Variants in CDYL observed in about 807,000 individuals in gnomAD.
The protein encoded by CDYL is chromodomain Y-like protein.
CDYL carries 8 observed loss-of-function variants against 47.3 expected under a neutral mutation model. The observed-to-expected ratio is 0.17, with a 90% CI of 0.10 to 0.31. The LOEUF is 0.31. Among genes scored for constraint, CDYL ranks in the 10% least tolerant of loss-of-function variants. The pLI, the probability that CDYL is intolerant of heterozygous loss-of-function variation, is 1.00. For synonymous variants in CDYL, 266 were observed against 265.0 expected (o/e 1.00, Z -0.04); for missense variants, 471 against 701.4 (o/e 0.67, Z 3.71).
At chr6:4,893,628 G>A (rs112155348) in intron 2 of CDYL, among the ~76,000 whole-genome samples, 5,276 of 151,996 alleles carry the variant, frequency 0.035, 313 homozygotes, top group African/African-American at 0.12. Context: ...AGGAAGCAGA[G>A]GTTGCAGTGA....
At position 4,807,203 on chromosome 6, in the gene CDYL, C is replaced by G. The variant is rs184722095; in HGVS notation, c.24+30396C>G. Among the ~76,000 whole-genome samples the G allele has an allele frequency of 8.5e-5, 13 of 152,252 alleles. 1 individual carries two copies. The East Asian group carries it at 1.4e-3, about 16-fold the overall frequency. ...TCTGAGGTTATAATGGTTAGGGCTT[C>G]AATATAGGAGTTTTAGGGGACTGCA... is the stretch of plus-strand genomic sequence containing the variant. On this transcript the variant is annotated intron_variant, in intron 1 of 6. Coordinates refer to ENST00000397588, the MANE Select transcript of CDYL (RefSeq NM_004824.4).
intron 1 of CDYL, among the ~76,000 whole-genome samples, chr6:4,852,513 A>T (rs1362954237): frequency 2.0e-5 from 1 of 50,866 alleles, no homozygotes; most frequent in African/African-American, 1.3e-4. Context: ...CCTTCCTTCC[A>T]ATCTTCCTTC....
At chr6:4,946,108 C>T (rs560403630) in intron 5 of CDYL, among the ~76,000 whole-genome samples, 1 of 152,316 alleles carries the variant, frequency 6.6e-6, no homozygotes, top group African/African-American at 2.4e-5. Flanking sequence ...ACAGCGACTG[C>T]ATCAGCCTTT....
At chr6:4,776,246 C>T (rs984066450), upstream of CDYL, among the ~76,000 whole-genome samples, 1 of 143,560 alleles carries the variant, frequency 7.0e-6, no homozygotes, top group African/African-American at 2.5e-5. Flanking sequence ...CCGCCCGCCT[C>T]GGCCCCGAGC....
In CDYL at chr6:4,891,844, C is replaced by G. The variant is rs1331209220; in HGVS notation, c.156C>G (p.Ile52Met). 1.2e-5 allele frequency: 20 copies of G among 1,614,016 alleles called. No homozygotes were observed. The highest frequency in any genetic ancestry group is 1.7e-6 in the Non-Finnish European group (2 of 1,180,036). The change falls in exon 2 of 7, where the codon ATC (isoleucine) becomes ATG (methionine). Residue 52 changes from isoleucine (I) to methionine (M), a missense_variant. Transcript: ENST00000397588. ...EQHLVNCEEY[I>M]HDFNRRHTEK... ...ACCTCGTGAACTGTGAGGAATACAT[C>G]CACGACTTCAACAGACGCCACACGG... is the stretch of plus-strand genomic sequence containing the variant.
At chr6:4,713,515 C>T (rs1757193699) in intron 1 of CDYL, among the ~76,000 whole-genome samples, 1 of 151,952 alleles carries the variant, frequency 6.6e-6, no homozygotes, top group African/African-American at 2.4e-5. Context: ...GAATTTCATA[C>T]AATCAAGCAG....
intron 2 of CDYL, among the ~76,000 whole-genome samples, chr6:4,717,231 G>C (rs1388780465): frequency 6.6e-6 from 1 of 152,136 alleles, no homozygotes. Context: ...CAAGGAGTTT[G>C]AGAAAGAGGT....
chr6:4,862,997 T>C (rs1018236580), intron 1 of CDYL, among the ~76,000 whole-genome samples: 6 of 152,190 alleles, frequency 3.9e-5, no homozygotes, highest in South Asian at 2.1e-4. Context: ...GTGGTACATA[T>C]ACACCATGGA....
intron 1 of CDYL, among the ~76,000 whole-genome samples, chr6:4,873,709 G>A (rs1273306623): frequency 2.6e-5 from 4 of 152,174 alleles, no homozygotes; most frequent in African/African-American, 9.7e-5. Context: ...ATAAATGGAT[G>A]TGATAATATA....
chr6:4,720,526 T>C (rs967998574), intron 2 of CDYL, among the ~76,000 whole-genome samples: 3 of 152,208 alleles, frequency 2.0e-5, no homozygotes, highest in African/African-American at 7.2e-5. Context: ...ATGAATAACA[T>C]TTACTTCATC....
At chr6:4,779,015 A>G (rs775597929) in intron 1 of CDYL, among the ~76,000 whole-genome samples, 2 of 152,212 alleles carry the variant, frequency 1.3e-5, no homozygotes, top group African/African-American at 2.4e-5. Context: ...AGCCCACCCT[A>G]AAATTCCCAT....
intron 1 of CDYL, among the ~76,000 whole-genome samples, chr6:4,778,465 C>T (rs1002303414): frequency 3.9e-5 from 6 of 152,150 alleles, no homozygotes; most frequent in African/African-American, 1.4e-4. Context: ...CTGTTCCTAA[C>T]AGAAGTTATT....
At position 4,847,853 on chromosome 6, in the gene CDYL, T is replaced by G. The variant is rs1417757453; in HGVS notation, c.25-43860T>G. Among the ~76,000 whole-genome samples, 3 of 152,204 alleles carry G rather than the reference T, an allele frequency of 2.0e-5. No homozygotes were observed. The East Asian group carries it at 5.8e-4, about 29-fold the overall frequency. On this transcript the variant is annotated intron_variant, in intron 1 of 6. Coordinates refer to ENST00000397588, the MANE Select transcript of CDYL (RefSeq NM_004824.4). ...CGAAAGCTGAAAGGTGCTGGAAGCC[T>G]CCTGCACTTTGGGAATATACAGTCA...
Position 4,858,366 on chromosome 6 carries a change from AAC to A in CDYL, c.25-33343_25-33342del, listed in dbSNP as rs1247239558. Among the ~76,000 whole-genome samples, 5 of 152,214 alleles carry A rather than the reference AAC, an allele frequency of 3.3e-5. No individual in the cohort carries two copies. The East Asian group carries it at 9.6e-4, about 29-fold the overall frequency. On this transcript the variant is annotated intron_variant, in intron 1 of 6. Transcript: ENST00000397588. ...CTGACATGTAATAATGGCGAACACA[AAC>A]ACAGTCCTGGCAGGTGTCAGGCACT... is the stretch of plus-strand genomic sequence containing the variant.
At chr6:4,776,050 C>T (rs1223388457), upstream of CDYL, among the ~76,000 whole-genome samples, 2 of 150,422 alleles carry the variant, frequency 1.3e-5, no homozygotes, top group Non-Finnish European at 3.0e-5. Context: ...TCCCGCCTGC[C>T]CTGGGCCGGG....
chr6:4,851,027 A>G (rs1255504790), intron 1 of CDYL, among the ~76,000 whole-genome samples: 2 of 152,176 alleles, frequency 1.3e-5, no homozygotes, highest in Non-Finnish European at 2.9e-5. Flanking sequence ...TCGACTGACT[A>G]GTATTTGTGA....
chr6:4,804,036 G>T (rs903852864), intron 1 of CDYL, among the ~76,000 whole-genome samples: 1 of 145,312 alleles, frequency 6.9e-6, no homozygotes, highest in South Asian at 2.1e-4. Context: ...TTTGTTTGCC[G>T]TGCATGTTTT....
In CDYL at chr6:4,807,980, C is replaced by T. The variant is rs116369630; in HGVS notation, c.24+31173C>T. The stretch of plus-strand genomic sequence containing the variant: ...AATCCAGTATTCTTATTCTGTTACT[C>T]AGATTGTCGTAGCTTTGGTCATTGG... On this transcript the variant is annotated intron_variant, in intron 1 of 6. Transcript: ENST00000397588. Among the ~76,000 whole-genome samples, 872 of 152,100 alleles carry T rather than the reference C, an allele frequency of 5.7e-3. 8 individuals are homozygous for T. The highest frequency in any genetic ancestry group is 0.02 in the African/African-American group (828 of 41,482).
At chr6:4,722,336 A>T (rs1048931057) in intron 2 of CDYL, among the ~76,000 whole-genome samples, 5 of 152,088 alleles carry the variant, frequency 3.3e-5, no homozygotes, top group African/African-American at 1.2e-4. Context: ...AGGTGGGAGG[A>T]TGGCTTAAGG....
Sources: gnomAD v4.1 joint callset for allele counts (sites outside exome capture counted in the v4.1 genomes callset) on GRCh38, gnomAD v4.1.1 for gene constraint, MANE v1.5 for transcripts, NCBI Gene and HGNC (gene_info 2026-07-23, HGNC 2026-07-21) for gene names.